The following ANK2 variants were observed in gnomAD, a reference collection of about 807,000 sequenced individuals.
ANK2 encodes ankyrin 2.
Under a neutral mutation model 360.5 loss-of-function variants are expected in ANK2, and 83 were observed. The observed-to-expected ratio is 0.23, with a 90% CI of 0.19 to 0.28. The LOEUF (loss-of-function observed/expected upper bound fraction) is 0.28. ANK2 is among the 10% of genes least tolerant of loss of function. The pLI is 1.00. For synonymous variants in ANK2, 1,740 were observed against 1,759.5 expected (o/e 0.99, Z 0.28); for missense variants, 4,201 against 4,795.7 (o/e 0.88, Z 3.66).
At chr4:112,901,228 C>T (rs780642538) in intron 1 of ANK2, among the ~76,000 whole-genome samples, 5 of 152,094 alleles carry the variant, frequency 3.3e-5, no homozygotes, top group Non-Finnish European at 7.4e-5. Flanking sequence ...ATTTCAACAG[C>T]CATCTAACTA....
chr4:112,715,626 G>A, the ANK2 span, among the ~76,000 whole-genome samples: 2 of 152,204 alleles, frequency 1.3e-5, no homozygotes, highest in African/African-American at 2.4e-5. Flanking sequence ...AAATGCTGTA[G>A]TTCTGCTGTT....
At chr4:113,074,141 T>A (rs914429725) in intron 1 of ANK2, among the ~76,000 whole-genome samples, 1 of 152,210 alleles carries the variant, frequency 6.6e-6, no homozygotes, top group African/African-American at 2.4e-5. Context: ...GTGTTGTGAA[T>A]AATAACATAT....
At chr4:113,127,463 T>C (rs1253375471) in intron 1 of ANK2, among the ~76,000 whole-genome samples, 1 of 131,756 alleles carries the variant, frequency 7.6e-6, no homozygotes, top group Non-Finnish European at 1.6e-5. Flanking sequence ...TCTTTCTTTT[T>C]TTGTTTTTTT....
the ANK2 span, among the ~76,000 whole-genome samples, chr4:112,805,578 ATTT>A: frequency 0.58 from 83,554 of 144,372 alleles, 24,644 homozygotes; most frequent in East Asian, 0.92. Flanking sequence ...AGGCATGCAG[ATTT>A]TTTTTTTTTT....
chr4:113,353,930 A>T lies in ANK2; in HGVS notation c.5312A>T (p.Lys1771Met). 6.2e-7 allele frequency: 1 copy of T among 1,614,090 alleles called. No homozygotes were observed. Among genetic ancestry groups the T allele is most frequent in the Non-Finnish European group, 8.5e-7 (1 of 1,179,962 alleles). Residue 1771 changes from lysine to methionine, a missense_variant, in exon 38 of 46, where the codon AAG becomes ATG. Physicochemically the swap from Lys to Met is moderately conservative, Grantham distance 95. This residue lies in a region of ANK2 where 2,642 missense variants were observed against 2,714.5 expected (regional missense o/e 0.97). Transcript: ENST00000357077. ...TPIGSIKDKV[K>M]ALQKRVEDEQ... ...ATTGGTTCCATAAAGGACAAAGTAA[A>T]GGCCCTTCAGAAGCGAGTGGAAGAT...
chr4:113,092,506 T>G (rs990232344), intron 1 of ANK2, among the ~76,000 whole-genome samples: 1 of 152,220 alleles, frequency 6.6e-6, no homozygotes, highest in Non-Finnish European at 1.5e-5. Context: ...ATTATTCCTA[T>G]GCACACTAAT....
At chr4:112,756,222 A>AGT in the ANK2 span, among the ~76,000 whole-genome samples, 3 of 145,866 alleles carry the variant, frequency 2.1e-5, no homozygotes, top group Non-Finnish European at 2.9e-5. Context: ...TGGGTGACAG[A>AGT]GTGAGACTCT....
intron 1 of ANK2, among the ~76,000 whole-genome samples, chr4:112,840,851 G>A (rs1263497689): frequency 1.3e-5 from 2 of 152,202 alleles, no homozygotes; most frequent in African/African-American, 4.8e-5. Flanking sequence ...CCCAGGGAGT[G>A]TGATGCAGAA....
intron 1 of ANK2, among the ~76,000 whole-genome samples, chr4:112,874,902 C>T (rs1008756929): frequency 1.3e-5 from 2 of 152,048 alleles, no homozygotes; most frequent in African/African-American, 4.8e-5. Context: ...AAATATTTGT[C>T]GGATGGTAGT....
chr4:112,810,941 T>C, the ANK2 span, among the ~76,000 whole-genome samples: 262 of 150,832 alleles, frequency 1.7e-3, 3 homozygotes, highest in Admixed American at 2.9e-3. Flanking sequence ...TTTTTTTTTT[T>C]TTTTTTGAGA....
chr4:112,982,930 CTTG>C (rs1191045096), intron 2 of ANK2, among the ~76,000 whole-genome samples: 8 of 152,164 alleles, frequency 5.3e-5, no homozygotes, highest in Non-Finnish European at 8.8e-5. Flanking sequence ...TCTTTCAACC[CTTG>C]TTGTTGGTTA....
intron 1 of ANK2, among the ~76,000 whole-genome samples, chr4:113,146,646 C>T (rs773000498): frequency 7.4e-5 from 11 of 149,372 alleles, no homozygotes; most frequent in Middle Eastern, 3.6e-3. Context: ...ATGATGTGTT[C>T]CTTAAAATGG....
chr4:112,845,639 C>T (rs1051220835), intron 1 of ANK2, among the ~76,000 whole-genome samples: 1 of 152,216 alleles, frequency 6.6e-6, no homozygotes, highest in South Asian at 2.1e-4. Flanking sequence ...AGATGGAAAT[C>T]GTGTGTCTTC....
intron 27 of ANK2, among the ~76,000 whole-genome samples, chr4:113,331,342 T>G (rs1334579537): frequency 6.6e-6 from 1 of 152,234 alleles, no homozygotes; most frequent in Non-Finnish European, 1.5e-5. Context: ...GTTCTAAAGC[T>G]TTGTAATTTG....
At chr4:113,325,777 A>G (rs2089463822) in intron 26 of ANK2, among the ~76,000 whole-genome samples, 1 of 152,142 alleles carries the variant, frequency 6.6e-6, no homozygotes. Flanking sequence ...TGATGGGAAC[A>G]AGCATTTATT....
intron 1 of ANK2, among the ~76,000 whole-genome samples, chr4:113,116,258 G>A (rs906664244): frequency 2.0e-5 from 3 of 152,108 alleles, no homozygotes; most frequent in African/African-American, 7.2e-5. Context: ...GTACCTATGT[G>A]CCCTCTTTGA....
chr4:113,124,245 T>C (rs72892026), intron 1 of ANK2, among the ~76,000 whole-genome samples: 1,725 of 152,308 alleles, frequency 0.011, 31 homozygotes, highest in African/African-American at 0.038. Flanking sequence ...CTTAGCAGCC[T>C]TGGAGGCCTC....
At position 113,383,560 on chromosome 4, in the gene ANK2, G is replaced by T. The variant is rs962142520; in HGVS notation, c.*2089G>T. The T allele has an allele frequency of 2.0e-5, 3 of 152,580 alleles. No individual in the cohort carries two copies. The highest frequency in any genetic ancestry group is 7.2e-5 in the African/African-American group (3 of 41,416). 9.5% of individuals were successfully genotyped at this position (152,580 alleles called of 1,614,324 possible). ...ATCAAAAACTTGAATACTGTGAGAA[G>T]AAGTGAATTTTCAGTTGACGAATCA... On this transcript the variant is annotated 3_prime_UTR_variant, in exon 46 of 46. Coordinates refer to ENST00000357077, the MANE Select transcript of ANK2 (RefSeq NM_001148.6).
intron 2 of ANK2, among the ~76,000 whole-genome samples, chr4:112,948,333 C>G (rs969501662): frequency 6.6e-6 from 1 of 152,126 alleles, no homozygotes. Flanking sequence ...CTGCTTTCTA[C>G]ATATCATTCA....
Sources: allele counts gnomAD v4.1 joint callset (sites outside exome capture counted in the v4.1 genomes callset), GRCh38; gene constraint gnomAD v4.1.1; regional missense constraint gnomAD v4.1.1; transcripts MANE v1.5; gene names NCBI Gene and HGNC (gene_info 2026-07-23, HGNC 2026-07-21).